Variants in TMEM259 observed in about 807,000 individuals in gnomAD.
TMEM259 encodes transmembrane protein 259.
TMEM259 carries 26 observed loss-of-function variants against 46.7 expected under a neutral mutation model. The observed-to-expected ratio is 0.56, with a 90% CI of 0.41 to 0.77. The LOEUF (loss-of-function observed/expected upper bound fraction) is 0.77, where lower values mean the gene tolerates loss of function less well. TMEM259 is among the 30% of genes least tolerant of loss of function. TMEM259 has a pLI of 0.00. For synonymous variants in TMEM259, 494 were observed against 395.1 expected (o/e 1.25, Z -2.97); for missense variants, 930 against 900.5 (o/e 1.03, Z -0.42).
rs1384431883 is a variant in TMEM259 at position 1,021,019 on chromosome 19, C to G, written c.-23G>C. ...CATGCCTCCCAGCGTCGCGCCCTAACGACCCGCAAGTGTCCGAGGGCGCCT... is the reference window on the plus strand; with the variant it reads ...CATGCCTCCCAGCGTCGCGCCCTAAGGACCCGCAAGTGTCCGAGGGCGCCT... On this transcript the variant is annotated 5_prime_UTR_variant, in exon 1 of 11. Transcript: ENST00000356663. 4 of 1,355,982 alleles carry G rather than the reference C, an allele frequency of 2.9e-6. No individual in the cohort carries two copies. Among genetic ancestry groups the G allele is most frequent in the Non-Finnish European group, 9.6e-7 (1 of 1,042,990 alleles). The allele number at this position is 1,355,982 out of a possible 1,614,324, so 84.0% of individuals were successfully genotyped here.
Position 1,010,427 on chromosome 19 carries a change from G to A in TMEM259, c.1786C>T (p.Pro596Ser), listed in dbSNP as rs1429602477. Residue 596 changes from proline to serine, a missense_variant, in exon 11 of 11, where the codon CCC (proline) becomes TCC (serine). Coordinates refer to ENST00000356663, the MANE Select transcript of TMEM259 (RefSeq NM_001033026.2). ...PSDSAASDTT[P>S]LGAAVGGPSP... ...GGCCCGCCTACCGCAGCCCCCAGGG[G>A]AGTTGTGTCAGAAGCTGCGGAGTCA... The A allele has an allele frequency of 1.0e-5, 16 of 1,533,736 alleles. No individual in the cohort carries two copies. The highest frequency in any genetic ancestry group is 1.3e-5 in the Non-Finnish European group (15 of 1,142,454).
At chr19:1,015,426 G>T (rs147509118) in intron 1 of TMEM259, among the ~76,000 whole-genome samples, 1 of 152,210 alleles carries the variant, frequency 6.6e-6, no homozygotes, top group South Asian at 2.1e-4. Context: ...ACGCCCCAGC[G>T]TGCTGCAGGC....
rs1015253572 is a variant in TMEM259, at chr19:1,010,136, G to A, written c.*214C>T. On this transcript the variant is annotated 3_prime_UTR_variant, in exon 11 of 11. Transcript: ENST00000356663. Reference sequence around the variant, plus strand: ...CCCCACCCCCTCTCCTTGCTGACCAGCTCAAACACCTCACTAGCGGGTACA... The same window carrying A: ...CCCCACCCCCTCTCCTTGCTGACCAACTCAAACACCTCACTAGCGGGTACA... 7.9e-5 allele frequency: 42 copies of A among 528,846 alleles called. No individual in the cohort carries two copies. In the East Asian group the frequency reaches 1.4e-3, roughly 17 times the overall value. The allele number at this position is 528,846 out of a possible 1,614,324, so 32.8% of individuals were successfully genotyped here.
rs1341142885 is a variant in TMEM259 at position 1,010,937 on chromosome 19, C to T, written c.1318-42G>A. The stretch of plus-strand genomic sequence containing the variant: ...GGGAGTCAGGACGGGCCCGCCCCTG[C>T]CCCACCCAGCCGCTGCTCCCAGAGG... On this transcript the variant is annotated intron_variant, in intron 10 of 10. Coordinates refer to ENST00000356663, the MANE Select transcript of TMEM259 (RefSeq NM_001033026.2). 4 of 1,568,790 alleles carry T rather than the reference C, an allele frequency of 2.5e-6. No homozygotes were observed. In the South Asian group the frequency reaches 3.4e-5, roughly 13 times the overall value.
chr19:1,010,884 G>T lies in TMEM259; in HGVS notation c.1329C>A (p.Ile443=). 6.6e-7 allele frequency: 1 copy of T among 1,521,280 alleles called. No individual in the cohort carries two copies. The allele number at this position is 1,521,280 out of a possible 1,614,324, so 94.2% of individuals were successfully genotyped here. Residue 443 remains isoleucine, a synonymous_variant, in exon 11 of 11, where the codon ATC becomes ATA. Transcript: ENST00000356663. ...GCAGCTCGTAGTGGTGGAAGAAGTA[G>T]ATCATGGAATGCTGCGGGAGGGAGA... The part of the protein sequence containing the change: ...TSWLFIQHSM[I]YFFHHYELPA...
In TMEM259 at chr19:1,020,379, G is replaced by C. The variant is rs945880372; in HGVS notation, c.225+393C>G. Among the ~76,000 whole-genome samples, 3 of 152,130 alleles carry C rather than the reference G, an allele frequency of 2.0e-5. No individual in the cohort carries two copies. Among genetic ancestry groups the C allele is most frequent in the African/African-American group, 4.8e-5 (2 of 41,426 alleles). On this transcript the variant is annotated intron_variant, in intron 1 of 10. Coordinates refer to ENST00000356663, the MANE Select transcript of TMEM259 (RefSeq NM_001033026.2). This position sits in a 1 kb window ranked among gnomAD's most constrained non-coding sequence, Gnocchi z 4.0. ...TCAGGCGGCACAGTCAGGGGTCAAA[G>C]GGCGGGAGGTGCTACCTCGCAGGCC...
Position 1,021,053 on chromosome 19 carries a change from C to A in TMEM259, c.-57G>T. On this transcript the variant is annotated 5_prime_UTR_variant, in exon 1 of 11. Transcript: ENST00000356663. ...AGTGTCCGAGGGCGCCTCCCGGCCG[C>A]CATCGGCCGCCCTCGCAGCCGCCGC... The A allele has an allele frequency of 7.8e-7, 1 of 1,289,916 alleles. No homozygotes were observed. Among genetic ancestry groups the A allele is most frequent in the Non-Finnish European group, 9.9e-7 (1 of 1,012,212 alleles). The allele number at this position is 1,289,916 out of a possible 1,614,324, so 79.9% of individuals were successfully genotyped here.
rs1169708427 is a variant in TMEM259, at chr19:1,020,905, T to A, written c.92A>T (p.Asn31Ile). ...PAPARGPRTP[N>I]LNPNPLINVR... ...GTTGATGAGGGGGTTGGGGTTGAGATTGGGGGTGCGAGGCCCGCGCGCGGG... is the reference window on the plus strand; with the variant it reads ...GTTGATGAGGGGGTTGGGGTTGAGAATGGGGGTGCGAGGCCCGCGCGCGGG... The change falls in exon 1 of 11, where the codon AAT (asparagine) becomes ATT (isoleucine). Residue 31 changes from asparagine to isoleucine, a missense_variant. Transcript: ENST00000356663. The surrounding 1 kb of genome is among the most constrained non-coding windows in gnomAD (Gnocchi z 4.0). 11 of 1,280,248 alleles carry A rather than the reference T, an allele frequency of 8.6e-6. No individual in the cohort carries two copies. The highest frequency in any genetic ancestry group is 1.1e-5 in the Non-Finnish European group (11 of 1,011,280). 79.3% of individuals were successfully genotyped at this position (1,280,248 alleles called of 1,614,324 possible).
chr19:1,011,540 G>T (rs760623078), intron 8 of TMEM259, 40 bp downstream of exon 8: 158 of 1,541,170 alleles, frequency 1.0e-4, no homozygotes, highest in Middle Eastern at 4.6e-4. Context: ...GGCGGGGCGG[G>T]GTGCAGCGCG....
chr19:1,017,325 G>C (rs1267658960), intron 1 of TMEM259: 1 of 399,514 alleles, frequency 2.5e-6, no homozygotes, highest in Non-Finnish European at 4.4e-6. Flanking sequence ...CCCGCAACCT[G>C]GCTCAGCCAC....
chr19:1,017,417 C>G (rs760428733), intron 1 of TMEM259: 3 of 400,196 alleles, frequency 7.5e-6, no homozygotes, highest in Non-Finnish European at 1.3e-5. Flanking sequence ...CCCACATGCT[C>G]CAGCCCCACG....
At position 1,011,726 on chromosome 19, in the gene TMEM259, C is replaced by T. The variant is rs747143632; in HGVS notation, c.1000+15G>A. 2.6e-6 allele frequency: 4 copies of T among 1,537,602 alleles called. No homozygotes were observed. Among genetic ancestry groups the T allele is most frequent in the South Asian group, 1.2e-5 (1 of 83,228 alleles). ...GGAGGACGCCCGCCCCGCCCTGCGCCGGCGGGACACTCACCGATGAAGACG... is the reference window on the plus strand; with the variant it reads ...GGAGGACGCCCGCCCCGCCCTGCGCTGGCGGGACACTCACCGATGAAGACG... On this transcript the variant is annotated intron_variant, in intron 7 of 10. Transcript: ENST00000356663.
intron 1 of TMEM259, among the ~76,000 whole-genome samples, chr19:1,018,519 A>T (rs888845193): frequency 6.6e-6 from 1 of 152,220 alleles, no homozygotes; most frequent in Non-Finnish European, 1.5e-5. Context: ...GGCTCTCTGC[A>T]GGGAGACCCC....
In TMEM259 at chr19:1,020,627, T is replaced by C; in HGVS notation, c.225+145A>G. 1 of 499,696 alleles carries C rather than the reference T, an allele frequency of 2.0e-6. No individual in the cohort carries two copies. Among genetic ancestry groups the C allele is most frequent in the Non-Finnish European group, 3.1e-6 (1 of 318,564 alleles). The allele number at this position is 499,696 out of a possible 1,614,324, so 31.0% of individuals were successfully genotyped here. ...GGTCAGAGGTCGCGAGGGAGAGCCC[T>C]AATCGGTAGGGCCGGGTATAGGCCT... On this transcript the variant is annotated intron_variant, in intron 1 of 10. Coordinates refer to ENST00000356663, the MANE Select transcript of TMEM259 (RefSeq NM_001033026.2). This position sits in a 1 kb window ranked among gnomAD's most constrained non-coding sequence, Gnocchi z 4.0.
Position 1,012,112 on chromosome 19 carries a change from G to T in TMEM259, c.795C>A (p.Ile265=), listed in dbSNP as rs764101442. Residue 265 remains isoleucine (I), a synonymous_variant, in exon 5 of 11, where the codon ATC becomes ATA. Transcript: ENST00000356663. Reference sequence around the variant, plus strand: ...CCAGGCCCTTCACGCTGGACATGAGGATGTCATCGTAGCCCAGGAACTCAT... The same window carrying T: ...CCAGGCCCTTCACGCTGGACATGAGTATGTCATCGTAGCCCAGGAACTCAT... ...LLDEFLGYDD[I]LMSSVKGLAE... 1.9e-6 allele frequency: 3 copies of T among 1,611,208 alleles called. No homozygotes were observed. Among genetic ancestry groups the T allele is most frequent in the Non-Finnish European group, 2.5e-6 (3 of 1,179,218 alleles).
At chr19:1,019,841 C>T (rs974453234) in intron 1 of TMEM259, among the ~76,000 whole-genome samples, 1 of 152,230 alleles carries the variant, frequency 6.6e-6, no homozygotes, top group Admixed American at 6.5e-5. Context: ...GTCCCCATTT[C>T]GCCAGGTGGC....
intron 7 of TMEM259, 25 bp from the exon 8 acceptor site, chr19:1,011,688 C>T: frequency 6.5e-7 from 1 of 1,534,786 alleles, no homozygotes; most frequent in Middle Eastern, 1.7e-4. Context: ...CGGCGGGCGC[C>T]CGGTGAGGGC....
In TMEM259 at chr19:1,009,934, G is replaced by A. The variant is rs907801780; in HGVS notation, c.*416C>T. On this transcript the variant is annotated 3_prime_UTR_variant, in exon 11 of 11. Transcript: ENST00000356663. The stretch of plus-strand genomic sequence containing the variant: ...GGGGCCATGGAGAAGGCACTGCAGG[G>A]AGCACCAGGCAGAGCCGGGCTGAGG... 4.2e-5 allele frequency: 14 copies of A among 329,966 alleles called. No homozygotes were observed. The highest frequency in any genetic ancestry group is 7.3e-5 in the South Asian group (1 of 13,698). The allele number at this position is 329,966 out of a possible 1,614,324, so 20.4% of individuals were successfully genotyped here.
At position 1,011,467 on chromosome 19, in the gene TMEM259, C is replaced by G. The variant is rs1409743610; in HGVS notation, c.1117G>C (p.Asp373His). The G allele has an allele frequency of 1.3e-6, 2 of 1,552,150 alleles. No homozygotes were observed. The highest frequency in any genetic ancestry group is 2.4e-5 in the East Asian group (1 of 41,164). The change falls in exon 9 of 11, where the codon GAC becomes CAC. Residue 373 changes from aspartate (D) to histidine (H), a missense_variant. By Grantham distance (81) the Asp-to-His change is moderately conservative (BLOSUM62 -1). Coordinates refer to ENST00000356663, the MANE Select transcript of TMEM259 (RefSeq NM_001033026.2). ...ATGATGTAGAAGGCGGTGGTGGTGT[C>G]GTTGAAGAACTCCGACATGATGGCC... is the stretch of plus-strand genomic sequence containing the variant. The part of the protein sequence containing the change: ...MEAIMSEFFN[D>H]TTTAFYIILI...
Sources: allele counts gnomAD v4.1 joint callset (sites outside exome capture counted in the v4.1 genomes callset), GRCh38; gene constraint gnomAD v4.1.1; non-coding constraint Gnocchi (gnomAD v3.1); transcripts MANE v1.5; gene names NCBI Gene and HGNC (gene_info 2026-07-23, HGNC 2026-07-21).